Variants in GPRIN1 observed in about 807,000 individuals in gnomAD.
GPRIN1 encodes G protein-regulated inducer of neurite outgrowth 1.
GPRIN1 carries 4 observed loss-of-function variants against 2.8 expected under a neutral mutation model. The observed-to-expected ratio is 1.45, with a 90% confidence interval of 0.71 to 3.32. The LOEUF is 3.32. Ranked by LOEUF, GPRIN1 falls within the 30% of genes most tolerant of loss-of-function variation. The pLI is 0.01. For missense variants in GPRIN1, 1,322 were observed against 1,343.4 expected (o/e 0.98, Z 0.25); for synonymous variants, 589 against 589.9 (o/e 1.00, Z 0.02).
rs1363618150 is a variant in GPRIN1, at chr5:176,599,307, C to T, written c.528G>A (p.Lys176=). ...IGKEDPGSSR[K]ADPMFTGKAE... ...CCTTTCCTGTAAACATGGGATCTGC[C>T]TTCCGTGAGGACCCAGGATCCTCCT... Residue 176 remains lysine (K), a synonymous_variant, in exon 2 of 2, where the codon AAG becomes AAA. Coordinates refer to ENST00000303991, the MANE Select transcript of GPRIN1 (RefSeq NM_052899.3). The T allele has an allele frequency of 1.1e-5, 17 of 1,614,048 alleles. No homozygotes were observed. Among genetic ancestry groups the T allele is most frequent in the Non-Finnish European group, 1.3e-5 (15 of 1,180,038 alleles).
rs563554836 is a variant in GPRIN1 at position 176,599,432 on chromosome 5, C to G, written c.403G>C (p.Val135Leu). The G allele has an allele frequency of 3.7e-6, 6 of 1,614,098 alleles. No individual in the cohort carries two copies. In the African/African-American group the frequency reaches 8.0e-5, roughly 22 times the overall value. Residue 135 changes from valine to leucine, a missense_variant, in exon 2 of 2, where the codon GTG becomes CTG. Physicochemically the swap from Val to Leu is conservative, Grantham distance 32 (BLOSUM62 1). Coordinates refer to ENST00000303991, the MANE Select transcript of GPRIN1 (RefSeq NM_052899.3). ...TCTGAGGATTTGGGCTCAGTTTTCA[C>G]GGAGGACACAGGCTCTGGCTTCCCA... Reference protein sequence around the residue: ...TSGKPEPVSSVKTEPKSSDDR... With the variant: ...TSGKPEPVSSLKTEPKSSDDR...
intron 1 of GPRIN1, among the ~76,000 whole-genome samples, chr5:176,609,302 G>A (rs1460218064): frequency 6.6e-6 from 1 of 152,188 alleles, no homozygotes; most frequent in Non-Finnish European, 1.5e-5. Context: ...TGATGTCCAT[G>A]CTGTGATCCG....
chr5:176,599,085 GTCCACTTTGTCTGAGGACACAGGA>G lies in GPRIN1; in HGVS notation c.726_749del (p.Ser245_Val252del). The G allele has an allele frequency of 5.6e-6, 9 of 1,612,814 alleles. No homozygotes were observed. Among genetic ancestry groups the G allele is most frequent in the Non-Finnish European group, 7.6e-6 (9 of 1,179,186 alleles). On this transcript the variant is annotated inframe_deletion, in exon 2 of 2. Transcript: ENST00000303991. ...GCTCCTCCTTTCTTGGGAATACAGG[GTCCACTTTGTCTGAGGACACAGGA>G]TCCACCTTTCTCAAAGACCCAGGAT...
rs773231929 is a variant in GPRIN1 at position 176,598,652 on chromosome 5, T to A, written c.1183A>T (p.Thr395Ser). ...GTGAGATCTGTCTTTGCTGAAGCCG[T>A]AGTATCCGTGTGGCCAGACACAGGA... is the stretch of plus-strand genomic sequence containing the variant. ...GRPVSGHTDT[T>S]ASAKTDLTSL... Residue 395 changes from threonine to serine, a missense_variant, in exon 2 of 2, where the codon ACG becomes TCG. Physicochemically the swap from Thr to Ser is moderately conservative, Grantham distance 58. Around this residue, in one of 3 missense-constraint regions of GPRIN1, gnomAD observed 1,117 missense variants for 1,128.6 expected, o/e 0.99. Coordinates refer to ENST00000303991, the MANE Select transcript of GPRIN1 (RefSeq NM_052899.3). 3 of 1,614,040 alleles carry A rather than the reference T, an allele frequency of 1.9e-6. No homozygotes were observed. Among genetic ancestry groups the A allele is most frequent in the East Asian group, 4.5e-5 (2 of 44,892 alleles).
rs1174370279 is a variant in GPRIN1, at chr5:176,595,869, T to G, written c.*939A>C. The G allele has an allele frequency of 2.6e-5, 13 of 497,732 alleles. No individual in the cohort carries two copies. Among genetic ancestry groups the G allele is most frequent in the Non-Finnish European group, 4.1e-5 (12 of 295,512 alleles). 30.8% of individuals were successfully genotyped at this position (497,732 alleles called of 1,614,324 possible). A position where few individuals can be genotyped will look rare whatever the true frequency, so the allele number is the denominator to read the frequency against. On this transcript the variant is annotated 3_prime_UTR_variant, in exon 2 of 2. Transcript: ENST00000303991. Reference sequence around the variant, plus strand: ...TAGCCAAAAACTGCGGCTGGAGGGGTGGGGACGGGACACTGAGTGGTCACA... The same window carrying G: ...TAGCCAAAAACTGCGGCTGGAGGGGGGGGGACGGGACACTGAGTGGTCACA...
chr5:176,605,094 C>CTTT (rs33965999), intron 1 of GPRIN1, among the ~76,000 whole-genome samples: 1 of 132,928 alleles, frequency 7.5e-6, no homozygotes, highest in Non-Finnish European at 1.6e-5. Context: ...AAACAAAACA[C>CTTT]TTTTTTTTTT....
Position 176,596,736 on chromosome 5 carries a change from C to T in GPRIN1, c.*72G>A. 7.8e-7 allele frequency: 1 copy of T among 1,276,186 alleles called. No homozygotes were observed. The highest frequency in any genetic ancestry group is 1.0e-6 in the Non-Finnish European group (1 of 994,960). The allele number at this position is 1,276,186 out of a possible 1,614,324, so 79.1% of individuals were successfully genotyped here. On this transcript the variant is annotated 3_prime_UTR_variant, in exon 2 of 2. Coordinates refer to ENST00000303991, the MANE Select transcript of GPRIN1 (RefSeq NM_052899.3). This position sits in a 1 kb window ranked among gnomAD's most constrained non-coding sequence, Gnocchi z 5.2. ...AGGCCTGTGGCACGCAGAGGGGACC[C>T]CTTCTAGGGGCCTGTGATCAAGAAG...
rs545232178 is a variant in GPRIN1 at position 176,604,611 on chromosome 5, G to A, written c.-43-4734C>T. Among the ~76,000 whole-genome samples, 355 of 152,208 alleles carry A rather than the reference G, an allele frequency of 2.3e-3. 1 individual carries two copies. The highest frequency in any genetic ancestry group is 8.1e-3 in the African/African-American group (338 of 41,506). On this transcript the variant is annotated intron_variant, in intron 1 of 1. Transcript: ENST00000303991. ...TGTCTACAATAGGATTATACCTAGC[G>A]CCTAGTGAGCCACTGTATCCCGCCC...
chr5:176,608,254 T>C (rs1759254832), intron 1 of GPRIN1, among the ~76,000 whole-genome samples: 1 of 152,086 alleles, frequency 6.6e-6, no homozygotes, highest in African/African-American at 2.4e-5. Context: ...TTTCTGGTTT[T>C]TGAGGTCAGG....
intron 1 of GPRIN1, among the ~76,000 whole-genome samples, chr5:176,609,346 G>C (rs1759274092): frequency 6.6e-6 from 1 of 152,142 alleles, no homozygotes; most frequent in Non-Finnish European, 1.5e-5. Flanking sequence ...CTGTGCCTGG[G>C]TGTGTACGCA....
At position 176,598,413 on chromosome 5, in the gene GPRIN1, T is replaced by A; in HGVS notation, c.1422A>T (p.Thr474=). The change falls in exon 2 of 2, where the codon ACA becomes ACT. Residue 474 remains threonine (T), a synonymous_variant. Transcript: ENST00000303991. ...ACTCAGGATTCACTTTTTCAGATGA[T>A]GTCTTTCTACTTCCAGCAGATATGG... ...EDPISAGSRK[T]SSEKVNPESS... 1.9e-6 allele frequency: 3 copies of A among 1,614,056 alleles called. No individual in the cohort carries two copies. Among genetic ancestry groups the A allele is most frequent in the Non-Finnish European group, 2.5e-6 (3 of 1,180,014 alleles).
rs759304712 is a variant in GPRIN1, at chr5:176,599,850, C to T, written c.-16G>A. ...CAGTGTCCATCTGCCCTCATGACCA[C>T]GCCTGCACCCAAGGCTGCTGTCTGG... On this transcript the variant is annotated 5_prime_UTR_variant, in exon 2 of 2. In the 5' UTR this introduces an upstream ATG that the reference lacks. Transcript: ENST00000303991. The T allele has an allele frequency of 3.6e-5, 52 of 1,429,984 alleles. No individual in the cohort carries two copies. In the East Asian group the frequency reaches 3.9e-4, roughly 11 times the overall value. The allele number at this position is 1,429,984 out of a possible 1,614,324, so 88.6% of individuals were successfully genotyped here. A position where few individuals can be genotyped will look rare whatever the true frequency, so the allele number is the denominator to read the frequency against.
Position 176,597,044 on chromosome 5 carries a change from C to T in GPRIN1, c.2791G>A (p.Val931Met), listed in dbSNP as rs775542006. ...TWEVYGAAME[V>M]EVLGMAIQKH... ...TGGATGGCCATGCCCAGCACCTCCA[C>T]CTCCATGGCGGCGCCGTATACCTCC... The change falls in exon 2 of 2, where the codon GTG (valine) becomes ATG (methionine). Residue 931 changes from valine (V) to methionine (M), a missense_variant. Transcript: ENST00000303991. The surrounding 1 kb of genome is among the most constrained non-coding windows in gnomAD (Gnocchi z 6.1). 1.3e-6 allele frequency: 2 copies of T among 1,506,212 alleles called. No individual in the cohort carries two copies. The highest frequency in any genetic ancestry group is 1.2e-5 in the South Asian group (1 of 80,270). 93.3% of individuals were successfully genotyped at this position (1,506,212 alleles called of 1,614,324 possible).
In GPRIN1 at chr5:176,597,158, G is replaced by C; in HGVS notation, c.2677C>G (p.Pro893Ala). The change falls in exon 2 of 2, where the codon CCC (proline) becomes GCC (alanine). Residue 893 changes from proline to alanine, a missense_variant. By Grantham distance (27) the Pro-to-Ala change is conservative (BLOSUM62 -1). Around this residue, in one of 3 missense-constraint regions of GPRIN1, gnomAD observed 9 missense variants for 25.6 expected, o/e 0.35. Transcript: ENST00000303991. This position sits in a 1 kb window ranked among gnomAD's most constrained non-coding sequence, Gnocchi z 6.1. ...PPAFPEVRVR[P>A]GSALAAAVAP... ...ACAGCGGCCGCCAGCGCTGAGCCGG[G>C]CCGCACCCGCACTTCGGGGAAGGCG... 1.4e-6 allele frequency: 2 copies of C among 1,407,848 alleles called. No individual in the cohort carries two copies. Among genetic ancestry groups the C allele is most frequent in the Non-Finnish European group, 1.9e-6 (2 of 1,077,212 alleles). The allele number at this position is 1,407,848 out of a possible 1,614,324, so 87.2% of individuals were successfully genotyped here.
At chr5:176,604,437 G>A (rs1759191523) in intron 1 of GPRIN1, among the ~76,000 whole-genome samples, 1 of 152,182 alleles carries the variant, frequency 6.6e-6, no homozygotes, top group South Asian at 2.1e-4. Context: ...CCAGGCTGGA[G>A]TGCAGTGGCG....
intron 1 of GPRIN1, among the ~76,000 whole-genome samples, chr5:176,604,839 T>C (rs1181096749): frequency 6.6e-6 from 1 of 152,072 alleles, no homozygotes; most frequent in African/African-American, 2.4e-5. Flanking sequence ...GTTCAAGTGA[T>C]TCTCCTGCCT....
In GPRIN1 at chr5:176,599,682, C is replaced by T; in HGVS notation, c.153G>A (p.Lys51=). The part of the protein sequence containing the change: ...AMRDYCPSQQ[K]ASPAPPRHTP... ...TGTGCCTGGGGGGTGCAGGGCTTGC[C>T]TTTTGCTGGGAGGGGCAGTAATCCC... The change falls in exon 2 of 2, where the codon AAG becomes AAA. Residue 51 remains lysine (K), a synonymous_variant. Coordinates refer to ENST00000303991, the MANE Select transcript of GPRIN1 (RefSeq NM_052899.3). 2 of 1,570,332 alleles carry T rather than the reference C, an allele frequency of 1.3e-6. No homozygotes were observed. Among genetic ancestry groups the T allele is most frequent in the Admixed American group, 1.9e-5 (1 of 53,756 alleles).
chr5:176,609,347 T>G (rs1759274140), intron 1 of GPRIN1, among the ~76,000 whole-genome samples: 1 of 152,028 alleles, frequency 6.6e-6, no homozygotes, highest in Non-Finnish European at 1.5e-5. Context: ...TGTGCCTGGG[T>G]GTGTACGCAA....
Position 176,596,933 on chromosome 5 carries a change from A to G in GPRIN1, c.2902T>C (p.Ser968Pro). Residue 968 changes from serine to proline, a missense_variant, in exon 2 of 2, where the codon TCG becomes CCG. Ser to Pro is a moderately conservative substitution (Grantham distance 74, BLOSUM62 -1). Around this residue, in one of 3 missense-constraint regions of GPRIN1, gnomAD observed 196 missense variants for 189.2 expected, o/e 1.04. Coordinates refer to ENST00000303991, the MANE Select transcript of GPRIN1 (RefSeq NM_052899.3). This position sits in a 1 kb window ranked among gnomAD's most constrained non-coding sequence, Gnocchi z 5.2. ...GGGGGCGCGGTGCGCACCGAGCCCGAACGGCCGGGGCCGGCACGGGCGGCG... is the reference window on the plus strand; with the variant it reads ...GGGGGCGCGGTGCGCACCGAGCCCGGACGGCCGGGGCCGGCACGGGCGGCG... ...PPAARAGPGR[S>P]GSVRTAPPDG... The G allele has an allele frequency of 8.2e-7, 1 of 1,214,814 alleles. No homozygotes were observed. Among genetic ancestry groups the G allele is most frequent in the Non-Finnish European group, 1.0e-6 (1 of 978,638 alleles). 75.3% of individuals were successfully genotyped at this position (1,214,814 alleles called of 1,614,324 possible). A position where few individuals can be genotyped will look rare whatever the true frequency, so the allele number is the denominator to read the frequency against.
Sources: gnomAD v4.1 joint callset for allele counts (sites outside exome capture counted in the v4.1 genomes callset) on GRCh38, gnomAD v4.1.1 for gene constraint, gnomAD v4.1.1 regional missense constraint, Gnocchi (gnomAD v3.1) non-coding constraint, MANE v1.5 for transcripts, NCBI Gene and HGNC (gene_info 2026-07-23, HGNC 2026-07-21) for gene names.